The following CLEC16A variants were observed in gnomAD, a reference collection of about 807,000 sequenced individuals.
The protein encoded by CLEC16A is C-type lectin domain containing 16A.
CLEC16A carries 51 observed loss-of-function variants against 109.5 expected under a neutral mutation model. That is an observed-to-expected ratio of 0.47 (90% CI 0.37 to 0.59). The LOEUF is 0.59. CLEC16A is among the 20% of genes least tolerant of loss of function. CLEC16A has a pLI of 0.00. For missense variants in CLEC16A, 1,339 were observed against 1,394.0 expected (o/e 0.96, Z 0.63); for synonymous variants, 673 against 564.2 (o/e 1.19, Z -2.73).
At chr16:10,986,689 C>G (rs2043678744) in intron 10 of CLEC16A, among the ~76,000 whole-genome samples, 1 of 150,688 alleles carries the variant, frequency 6.6e-6, no homozygotes, top group Non-Finnish European at 1.5e-5. Context: ...CGAGATTCAT[C>G]CATGTTGTCG....
intron 19 of CLEC16A, among the ~76,000 whole-genome samples, chr16:11,119,099 C>G (rs969491745): frequency 1.3e-5 from 2 of 152,162 alleles, no homozygotes. Flanking sequence ...CTCTCAGGTT[C>G]AAGCGATTCT....
intron 22 of CLEC16A, among the ~76,000 whole-genome samples, chr16:11,147,439 G>A (rs911636743): frequency 2.0e-5 from 3 of 152,208 alleles, no homozygotes; most frequent in Non-Finnish European, 2.9e-5. Context: ...TTTGAGCCAC[G>A]TGCAAGAGAA....
At chr16:11,110,261 C>T (rs1191188694) in intron 19 of CLEC16A, among the ~76,000 whole-genome samples, 4 of 152,210 alleles carry the variant, frequency 2.6e-5, no homozygotes, top group Non-Finnish European at 4.4e-5. Context: ...GGTACAGCAG[C>T]TAGTGATACT....
chr16:11,067,497 G>T (rs1407904363), intron 19 of CLEC16A, among the ~76,000 whole-genome samples: 2 of 152,166 alleles, frequency 1.3e-5, no homozygotes, highest in Non-Finnish European at 2.9e-5. Flanking sequence ...ATGAGAGACG[G>T]CAGTGTGGCC....
At chr16:11,080,836 A>G (rs780649373) in intron 19 of CLEC16A, among the ~76,000 whole-genome samples, 3 of 152,168 alleles carry the variant, frequency 2.0e-5, no homozygotes, top group Admixed American at 2.0e-4. Flanking sequence ...TTCTGATTAG[A>G]TTGGGCCTGT....
intron 13 of CLEC16A, among the ~76,000 whole-genome samples, chr16:11,038,077 T>C (rs1267141294): frequency 6.6e-6 from 1 of 152,124 alleles, no homozygotes; most frequent in Non-Finnish European, 1.5e-5. Flanking sequence ...CCTACTCAAG[T>C]CTTTAGGCCG....
At chr16:11,116,215 C>T (rs1362787696) in intron 19 of CLEC16A, among the ~76,000 whole-genome samples, 4 of 151,146 alleles carry the variant, frequency 2.6e-5, no homozygotes, top group Non-Finnish European at 5.9e-5. Flanking sequence ...CATGGTGAAA[C>T]CCTGTCTCTA....
At chr16:11,173,074 C>A (rs1264928933) in intron 23 of CLEC16A, among the ~76,000 whole-genome samples, 1 of 152,148 alleles carries the variant, frequency 6.6e-6, no homozygotes, top group African/African-American at 2.4e-5. Context: ...CCCTTCACCC[C>A]ACCACACCTC....
chr16:11,025,744 A>T (rs935445492), intron 13 of CLEC16A, among the ~76,000 whole-genome samples: 23 of 112,260 alleles, frequency 2.0e-4, no homozygotes, highest in Non-Finnish European at 3.8e-4. Context: ...CATACATGAT[A>T]TAACTAAGTT....
intron 5 of CLEC16A, 136 bp from the exon 6 acceptor site, chr16:10,972,418 C>T (rs2042836037): frequency 2.8e-6 from 2 of 727,052 alleles, no homozygotes; most frequent in Admixed American, 2.3e-5. Context: ...CTAACCTTAT[C>T]TCTCTGTGCA....
At chr16:11,154,865 T>G (rs975359322) in intron 22 of CLEC16A, among the ~76,000 whole-genome samples, 4 of 151,948 alleles carry the variant, frequency 2.6e-5, no homozygotes. Context: ...AGTCGGAGGT[T>G]GTAGTGAGCT....
intron 16 of CLEC16A, among the ~76,000 whole-genome samples, chr16:11,045,642 C>G (rs950121960): frequency 6.6e-6 from 1 of 152,126 alleles, no homozygotes; most frequent in Non-Finnish European, 1.5e-5. Context: ...TGGATTAATC[C>G]ATAGGTCAAG....
chr16:11,087,266 G>T (rs1050287547), intron 19 of CLEC16A, among the ~76,000 whole-genome samples: 2 of 151,498 alleles, frequency 1.3e-5, no homozygotes, highest in Non-Finnish European at 2.9e-5. Flanking sequence ...ACTTGTTAAG[G>T]CTCCCCTGGG....
At chr16:11,113,876 C>A (rs545757198) in intron 19 of CLEC16A, among the ~76,000 whole-genome samples, 1 of 152,094 alleles carries the variant, frequency 6.6e-6, no homozygotes, top group African/African-American at 2.4e-5. Context: ...TTAGCCCACG[C>A]GTGTGAGTGT....
intron 13 of CLEC16A, among the ~76,000 whole-genome samples, chr16:11,032,799 C>A (rs1291189432): frequency 6.6e-6 from 1 of 152,070 alleles, no homozygotes; most frequent in Non-Finnish European, 1.5e-5. Context: ...AGAAAGTGGG[C>A]CAAGGTGAGG....
At chr16:11,049,389 C>T (rs2047812691) in intron 17 of CLEC16A, among the ~76,000 whole-genome samples, 1 of 152,164 alleles carries the variant, frequency 6.6e-6, no homozygotes, top group Admixed American at 6.5e-5. Context: ...CAAGAGGCCT[C>T]ATGGGTCCAT....
chr16:10,988,535 C>T (rs2043807750), intron 10 of CLEC16A, among the ~76,000 whole-genome samples: 1 of 152,212 alleles, frequency 6.6e-6, no homozygotes, highest in African/African-American at 2.4e-5. Context: ...AGCAGAGTCA[C>T]AAGGGCTCTC....
intron 12 of CLEC16A, among the ~76,000 whole-genome samples, chr16:11,023,158 A>C (rs763634113): frequency 4.1e-4 from 62 of 149,966 alleles, no homozygotes; most frequent in Non-Finnish European, 5.0e-4. Flanking sequence ...CTTCTCCCAG[A>C]AGCTTGGACC....
At chr16:11,084,094 A>G (rs1243921171) in intron 19 of CLEC16A, among the ~76,000 whole-genome samples, 1 of 151,906 alleles carries the variant, frequency 6.6e-6, no homozygotes, top group Non-Finnish European at 1.5e-5. Flanking sequence ...GGATGTACCC[A>G]TACCACCCCT....
Sources: allele counts gnomAD v4.1 joint callset (sites outside exome capture counted in the v4.1 genomes callset), GRCh38; gene constraint gnomAD v4.1.1; transcripts MANE v1.5; gene names NCBI Gene and HGNC (gene_info 2026-07-23, HGNC 2026-07-21).